RGS8: variants seen among roughly 807,000 people sequenced by gnomAD.
RGS8 encodes regulator of G-protein signaling 8.
In RGS8, 8 loss-of-function variants were observed where a neutral mutation model predicts 21.7. That is an observed-to-expected ratio of 0.37 (90% confidence interval 0.22 to 0.66). RGS8 has a LOEUF of 0.66. RGS8 is among the 30% of genes least tolerant of loss of function. The pLI is 0.59. For synonymous variants in RGS8, 80 were observed against 83.6 expected (o/e 0.96, Z 0.24); for missense variants, 157 against 217.9 (o/e 0.72, Z 1.76).
chr1:182,726,537 G>C, the RGS8 span, among the ~76,000 whole-genome samples: 3 of 152,118 alleles, frequency 2.0e-5, no homozygotes, highest in Non-Finnish European at 4.4e-5. Flanking sequence ...GAGCATGGTG[G>C]TGCATGCCTA....
At chr1:182,684,997 C>T (rs1401358322), upstream of RGS8, among the ~76,000 whole-genome samples, 1 of 151,980 alleles carries the variant, frequency 6.6e-6, no homozygotes, top group Non-Finnish European at 1.5e-5. This position sits in a 1 kb window ranked among gnomAD's most constrained non-coding sequence, Gnocchi z 4.2. Context: ...GGTTGTCGCT[C>T]TCCTTTCCTA....
upstream of RGS8, among the ~76,000 whole-genome samples, chr1:182,685,796 C>T (rs1222083938): frequency 6.6e-6 from 1 of 152,134 alleles, no homozygotes; most frequent in Admixed American, 6.5e-5. Flanking sequence ...ACCATTTCGA[C>T]AAAATCAGGC....
At chr1:182,676,463 A>G (rs547338600), upstream of RGS8, among the ~76,000 whole-genome samples, 1 of 152,316 alleles carries the variant, frequency 6.6e-6, no homozygotes, top group East Asian at 1.9e-4. Context: ...ACATGAATCA[A>G]CATATGCTGC....
intron 2 of RGS8, among the ~76,000 whole-genome samples, chr1:182,670,571 C>A (rs1433575612): frequency 6.6e-6 from 1 of 152,170 alleles, no homozygotes; most frequent in Non-Finnish European, 1.5e-5. Context: ...CCATAAAGGG[C>A]TCCCCTGGGG....
chr1:182,666,865 T>C lies in RGS8; in HGVS notation c.128+7A>G, dbSNP rs1663889903. 1 of 1,609,240 alleles carries C rather than the reference T, an allele frequency of 6.2e-7. No individual in the cohort carries two copies. Among genetic ancestry groups the C allele is most frequent in the African/African-American group, 1.3e-5 (1 of 74,842 alleles). ...CCCAGGGAATGGCACGTGGCCGTAC[T>C]ACTCACTTGAGAGCGCGGTTGGGTT... On this transcript the variant is annotated splice_region_variant and intron_variant, in intron 4 of 6. Coordinates refer to ENST00000483095, the Ensembl canonical transcript of RGS8.
At chr1:182,704,248 TG>T in the RGS8 span, among the ~76,000 whole-genome samples, 1 of 152,230 alleles carries the variant, frequency 6.6e-6, no homozygotes, top group African/African-American at 2.4e-5. Context: ...ATCACTTCCC[TG>T]GGTACTAGAA....
At chr1:182,735,612 A>G in the RGS8 span, among the ~76,000 whole-genome samples, 1 of 152,204 alleles carries the variant, frequency 6.6e-6, no homozygotes, top group Non-Finnish European at 1.5e-5. Flanking sequence ...CCCTGGTGGA[A>G]GCAGGGACAA....
chr1:182,670,959 G>A (rs1307619478), intron 2 of RGS8, among the ~76,000 whole-genome samples: 1 of 152,122 alleles, frequency 6.6e-6, no homozygotes, highest in Non-Finnish European at 1.5e-5. Flanking sequence ...CTCTTGCTGT[G>A]GGATATGGCC....
At chr1:182,718,330 A>C in the RGS8 span, among the ~76,000 whole-genome samples, 1 of 152,386 alleles carries the variant, frequency 6.6e-6, no homozygotes, top group Non-Finnish European at 1.5e-5. Flanking sequence ...GAATTGATTC[A>C]GCAGTTGGAG....
rs1663887372 is a variant in RGS8 at position 182,666,834 on chromosome 1, G to GT, written c.128+37dup. ...AAAGAAGTGAGCTATATGACTTGCT[G>GT]TATTACCCAGGGAATGGCACGTGGC... On this transcript the variant is annotated intron_variant, in intron 4 of 6. Transcript: ENST00000483095. 2.7e-6 allele frequency: 4 copies of GT among 1,479,700 alleles called. No individual in the cohort carries two copies. The East Asian group carries it at 6.8e-5, about 25-fold the overall frequency. 91.7% of individuals were successfully genotyped at this position (1,479,700 alleles called of 1,614,324 possible). A position where few individuals can be genotyped will look rare whatever the true frequency, so the allele number is the denominator to read the frequency against.
downstream of RGS8, chr1:182,642,891 C>T (rs1471476102): frequency 6.7e-6 from 1 of 148,884 alleles, no homozygotes; most frequent in Non-Finnish European, 1.5e-5. Context: ...AGTTGTGTTA[C>T]TACTATTATT....
At chr1:182,694,974 T>G in the RGS8 span, among the ~76,000 whole-genome samples, 1 of 152,178 alleles carries the variant, frequency 6.6e-6, no homozygotes, top group Non-Finnish European at 1.5e-5. Flanking sequence ...GAAATTGATA[T>G]GAAGAAACAT....
the RGS8 span, among the ~76,000 whole-genome samples, chr1:182,728,712 G>A: frequency 6.6e-6 from 1 of 152,068 alleles, no homozygotes; most frequent in African/African-American, 2.4e-5. Context: ...AATTAGAAGG[G>A]GAAGTGGACA....
chr1:182,658,647 A>T (rs1269856049), intron 5 of RGS8: 1 of 152,256 alleles, frequency 6.6e-6, no homozygotes, highest in Non-Finnish European at 1.5e-5. Flanking sequence ...TCAGGATCAC[A>T]GCTCTTCTTT....
At chr1:182,691,049 TGTGA>T in the RGS8 span, among the ~76,000 whole-genome samples, 2 of 152,224 alleles carry the variant, frequency 1.3e-5, no homozygotes, top group Admixed American at 1.3e-4. Flanking sequence ...CTGCCAGACA[TGTGA>T]GTGAGTTCAT....
intron 1 of RGS8, among the ~76,000 whole-genome samples, chr1:182,680,742 T>G (rs902874273): frequency 1.3e-5 from 2 of 152,206 alleles, no homozygotes; most frequent in Admixed American, 6.5e-5. Flanking sequence ...AACGTATTTT[T>G]CATCTCTACA....
the RGS8 span, among the ~76,000 whole-genome samples, chr1:182,708,567 G>A: frequency 8.5e-5 from 13 of 152,230 alleles, no homozygotes; most frequent in Non-Finnish European, 1.3e-4. Flanking sequence ...GTCTTTAAGC[G>A]GAAGAAATAA....
chr1:182,676,987 A>T (rs373402267), upstream of RGS8, among the ~76,000 whole-genome samples: 4 of 152,372 alleles, frequency 2.6e-5, no homozygotes, highest in Admixed American at 2.6e-4. Context: ...ATTCCAGTAC[A>T]TCACACCCTA....
the RGS8 span, among the ~76,000 whole-genome samples, chr1:182,726,137 A>C: frequency 6.7e-6 from 1 of 148,162 alleles, no homozygotes; most frequent in African/African-American, 2.5e-5. Context: ...ACTGGCACTG[A>C]TTGCTTTTGG....
Sources: gnomAD v4.1 joint callset for allele counts (sites outside exome capture counted in the v4.1 genomes callset) on GRCh38, gnomAD v4.1.1 for gene constraint, Gnocchi (gnomAD v3.1) non-coding constraint, MANE v1.5 for transcripts, NCBI Gene and HGNC (gene_info 2026-07-23, HGNC 2026-07-21) for gene names.